Variants in CIRBP observed in about 807,000 individuals in gnomAD.
The protein encoded by CIRBP is cold-inducible RNA-binding protein.
A neutral mutation model predicts 22.3 loss-of-function variants in CIRBP; 11 were observed. That is an observed-to-expected ratio of 0.49 (90% CI 0.31 to 0.82). The LOEUF (loss-of-function observed/expected upper bound fraction) is 0.82, where lower values mean the gene tolerates loss of function less well. Among genes scored for constraint, CIRBP ranks in the 40% least tolerant of loss-of-function variants. CIRBP has a pLI of 0.05. For missense variants in CIRBP, 456 were observed against 402.7 expected (o/e 1.13, Z -1.13); for synonymous variants, 216 against 158.8 (o/e 1.36, Z -2.71).
chr19:1,271,868 CTTG>C (rs904158127), intron 5 of CIRBP, 110 bp from the exon 6 acceptor site: 43 of 943,984 alleles, frequency 4.6e-5, no homozygotes, highest in Admixed American at 2.6e-4. Context: ...TGCTGGGGTC[CTTG>C]TTGTGTCCCC....
chr19:1,269,955 G>GCGCCCAAAGTTTGC (rs1568822425), intron 1 of CIRBP: 1 of 519,896 alleles, frequency 1.9e-6, no homozygotes, highest in East Asian at 5.4e-5. Context: ...CCCAAAGTTT[G>GCGCCCAAAGTTTGC]GTCCAAGTTG....
rs114106544 is a variant in CIRBP, at chr19:1,270,182, G to A, written c.-6-746G>A. 593 of 488,624 alleles carry A rather than the reference G, an allele frequency of 1.2e-3. 4 individuals are homozygous for A. Among genetic ancestry groups the A allele is most frequent in the African/African-American group, 0.011 (558 of 51,230 alleles). The allele number at this position is 488,624 out of a possible 1,614,324, so 30.3% of individuals were successfully genotyped here. A position where few individuals can be genotyped will look rare whatever the true frequency, so the allele number is the denominator to read the frequency against. On this transcript the variant is annotated intron_variant, in intron 1 of 5. Coordinates refer to ENST00000587896, the MANE Select transcript of CIRBP (RefSeq NM_001300829.2). ...GCCTAGGTCCTGGCTATGGAAGTCA[G>A]TACCTGCCCTGAGGTGCCCCCCAGG... is the stretch of plus-strand genomic sequence containing the variant.
In CIRBP at chr19:1,272,298, G is replaced by A; in HGVS notation, c.749G>A (p.Arg250Lys). The change falls in exon 6 of 6, where the codon AGG (arginine) becomes AAG (lysine). Residue 250 changes from arginine to lysine, a missense_variant. Arg to Lys is a conservative substitution (Grantham distance 26). This residue lies in a region of CIRBP where 426 missense variants were observed against 339.6 expected (regional missense o/e 1.25). Transcript: ENST00000587896. ...TCAGCTAGGTGCATGTGTGGCCGCAGGCCAGCCTCCCTCGGCTGTGGGGGG... is the reference window on the plus strand; with the variant it reads ...TCAGCTAGGTGCATGTGTGGCCGCAAGCCAGCCTCCCTCGGCTGTGGGGGG... ...GQSARCMCGR[R>K]PASLGCGGWL... is the part of the protein sequence containing the mutation. 6.2e-7 allele frequency: 1 copy of A among 1,613,480 alleles called. No individual in the cohort carries two copies. Among genetic ancestry groups the A allele is most frequent in the Non-Finnish European group, 8.5e-7 (1 of 1,179,850 alleles).
At position 1,274,362 on chromosome 19, in the gene CIRBP, T is replaced by A; in HGVS notation, c.*1919T>A. On this transcript the variant is annotated 3_prime_UTR_variant, in exon 6 of 6. Coordinates refer to ENST00000587896, the MANE Select transcript of CIRBP (RefSeq NM_001300829.2). The stretch of plus-strand genomic sequence containing the variant: ...GGGTGGCCTGAGAGCAGCGATGACC[T>A]CTGGGGTCACTGTCCCAGGAGGGAC... The A allele has an allele frequency of 5.0e-6, 2 of 401,146 alleles. No homozygotes were observed. Among genetic ancestry groups the A allele is most frequent in the Non-Finnish European group, 8.8e-6 (2 of 226,306 alleles). The allele number at this position is 401,146 out of a possible 1,614,324, so 24.8% of individuals were successfully genotyped here.
At chr19:1,269,810 A>G (rs751959838) in intron 1 of CIRBP, 11 of 516,300 alleles carry the variant, frequency 2.1e-5, no homozygotes, top group Admixed American at 3.9e-5. Flanking sequence ...TCCACACACC[A>G]ACGCTTTTGC....
chr19:1,269,833 A>AG (rs2081305365), intron 1 of CIRBP: 1 of 518,884 alleles, frequency 1.9e-6, no homozygotes, highest in Non-Finnish European at 3.9e-6. Context: ...ACCGAGCCTT[A>AG]GTTTCCTCCT....
At position 1,272,391 on chromosome 19, in the gene CIRBP, C is replaced by T. The variant is rs371884723; in HGVS notation, c.842C>T (p.Ser281Leu). ...ASGVKLPLVA[S>L]VPLHCACFLS... ...GGGGTGAAGCTGCCTCTTGTTGCTT[C>T]GGTGCCTTTACACTGTGCCTGCTTC... Residue 281 changes from serine to leucine, a missense_variant, in exon 6 of 6, where the codon TCG becomes TTG. Around this residue, in one of 2 missense-constraint regions of CIRBP, gnomAD observed 426 missense variants for 339.6 expected, o/e 1.25. Coordinates refer to ENST00000587896, the MANE Select transcript of CIRBP (RefSeq NM_001300829.2). 122 of 1,599,064 alleles carry T rather than the reference C, an allele frequency of 7.6e-5. No homozygotes were observed. Among genetic ancestry groups the T allele is most frequent in the African/African-American group, 3.2e-4 (24 of 73,946 alleles).
chr19:1,270,070 C>T (rs1195519440), intron 1 of CIRBP: 2 of 519,896 alleles, frequency 3.8e-6, no homozygotes, highest in Non-Finnish European at 7.7e-6. Context: ...TGACCGCCCC[C>T]TTAAATAGCC....
intron 5 of CIRBP, 83 bp from the exon 6 acceptor site, chr19:1,271,898 A>C (rs1600025347): frequency 8.0e-7 from 1 of 1,257,160 alleles, no homozygotes; most frequent in South Asian, 1.3e-5. Flanking sequence ...GACGGCTGGC[A>C]TGGGGGCTGG....
Position 1,274,030 on chromosome 19 carries a change from T to G in CIRBP, c.*1587T>G. On this transcript the variant is annotated 3_prime_UTR_variant, in exon 6 of 6. Coordinates refer to ENST00000587896, the MANE Select transcript of CIRBP (RefSeq NM_001300829.2). ...TTTTCCAGACCTCTTTAAGTCACAC[T>G]CTTAACTTAGCTTTCTCTGATGTCT... 1 of 320,448 alleles carries G rather than the reference T, an allele frequency of 3.1e-6. No individual in the cohort carries two copies. The highest frequency in any genetic ancestry group is 5.7e-6 in the Non-Finnish European group (1 of 176,672). 19.9% of individuals were successfully genotyped at this position (320,448 alleles called of 1,614,324 possible).
chr19:1,271,235 A>G lies in CIRBP; in HGVS notation c.199A>G (p.Met67Val). Residue 67 changes from methionine (M) to valine (V), a missense_variant, in exon 3 of 6, where the codon ATG (methionine) becomes GTG (valine). Around this residue, in one of 2 missense-constraint regions of CIRBP, gnomAD observed 426 missense variants for 339.6 expected, o/e 1.25. Transcript: ENST00000587896. ...IDDAKDAMMA[M>V]NGKSVDGRQI... The stretch of plus-strand genomic sequence containing the variant: ...CGACGCTAAGGATGCCATGATGGCC[A>G]TGAATGGGAAGGTGAGGATCAGGGT... The G allele has an allele frequency of 2.5e-6, 4 of 1,614,072 alleles. No homozygotes were observed. The highest frequency in any genetic ancestry group is 3.4e-6 in the Non-Finnish European group (4 of 1,180,016).
chr19:1,270,931 G>C lies in CIRBP; in HGVS notation c.-3G>C. 1 of 1,611,686 alleles carries C rather than the reference G, an allele frequency of 6.2e-7. No homozygotes were observed. The highest frequency in any genetic ancestry group is 8.5e-7 in the Non-Finnish European group (1 of 1,177,856). On this transcript the variant is annotated 5_prime_UTR_variant, in exon 2 of 6. Transcript: ENST00000587896. Reference sequence around the variant, plus strand: ...ATTTCATTGGTGTCTGCCACAGGCCGCCATGGCATCAGATGAAGGCAAACT... The same window carrying C: ...ATTTCATTGGTGTCTGCCACAGGCCCCCATGGCATCAGATGAAGGCAAACT...
At position 1,270,811 on chromosome 19, in the gene CIRBP, A is replaced by G. The variant is rs1040076873; in HGVS notation, c.-6-117A>G. ...TATGAGTTTGAGATAATGAAAAATAAAAATCTGATTTTCTAATATTTCCCC... is the reference window on the plus strand; with the variant it reads ...TATGAGTTTGAGATAATGAAAAATAGAAATCTGATTTTCTAATATTTCCCC... On this transcript the variant is annotated intron_variant, in intron 1 of 5. Transcript: ENST00000587896. The G allele has an allele frequency of 2.4e-5, 19 of 792,964 alleles. No homozygotes were observed. The African/African-American group carries it at 3.3e-4, about 14-fold the overall frequency. The allele number at this position is 792,964 out of a possible 1,614,324, so 49.1% of individuals were successfully genotyped here.
In CIRBP at chr19:1,272,569, C is replaced by T. The variant is rs2081361250; in HGVS notation, c.*126C>T. On this transcript the variant is annotated 3_prime_UTR_variant, in exon 6 of 6. Transcript: ENST00000587896. The stretch of plus-strand genomic sequence containing the variant: ...TCCCACTTTCGTAGTCATTTCGGTT[C>T]TGATCTTGTCAAACCCAGCCTGACC... 2 of 895,546 alleles carry T rather than the reference C, an allele frequency of 2.2e-6. No homozygotes were observed. The highest frequency in any genetic ancestry group is 3.5e-6 in the Non-Finnish European group (2 of 578,954). 55.5% of individuals were successfully genotyped at this position (895,546 alleles called of 1,614,324 possible).
intron 1 of CIRBP, chr19:1,270,146 C>T (rs1461823479): frequency 1.9e-6 from 1 of 513,878 alleles, no homozygotes; most frequent in Admixed American, 1.9e-5. Context: ...GCCATCCCTT[C>T]CCGATTCCCG....
chr19:1,270,617 A>C (rs559194359), intron 1 of CIRBP, among the ~76,000 whole-genome samples: 2 of 151,946 alleles, frequency 1.3e-5, no homozygotes, highest in East Asian at 3.9e-4. Context: ...AAACAAATTT[A>C]AAAAAATTAT....
Position 1,271,383 on chromosome 19 carries a change from CGATCCCGTG to C in CIRBP, c.267_275del (p.Ser90_Gly92del), listed in dbSNP as rs1004475030. On this transcript the variant is annotated inframe_deletion, in exon 4 of 6. Coordinates refer to ENST00000587896, the MANE Select transcript of CIRBP (RefSeq NM_001300829.2). ...CCAGGCAGGCAAGTCGTCAGACAAC[CGATCCCGTG>C]GGTACCGTGGTGGCTCTGCCGGGGG... 2 of 1,613,816 alleles carry C rather than the reference CGATCCCGTG, an allele frequency of 1.2e-6. No homozygotes were observed. The highest frequency in any genetic ancestry group is 1.7e-6 in the Non-Finnish European group (2 of 1,180,026).
rs1336333410 is a variant in CIRBP at position 1,271,231 on chromosome 19, G to A, written c.195G>A (p.Met65Ile). ...TTGACGACGCTAAGGATGCCATGATGGCCATGAATGGGAAGGTGAGGATCA... is the reference window on the plus strand; with the variant it reads ...TTGACGACGCTAAGGATGCCATGATAGCCATGAATGGGAAGGTGAGGATCA... The part of the protein sequence containing the change: ...ENIDDAKDAM[M>I]AMNGKSVDGR... Residue 65 changes from methionine to isoleucine, a missense_variant, in exon 3 of 6, where the codon ATG (methionine) becomes ATA (isoleucine). Around this residue, in one of 2 missense-constraint regions of CIRBP, gnomAD observed 426 missense variants for 339.6 expected, o/e 1.25. Transcript: ENST00000587896. 4 of 1,614,026 alleles carry A rather than the reference G, an allele frequency of 2.5e-6. No individual in the cohort carries two copies. The highest frequency in any genetic ancestry group is 3.4e-6 in the Non-Finnish European group (4 of 1,180,002).
At chr19:1,271,076 C>T in intron 2 of CIRBP, 40 bp downstream of exon 2, 2 of 1,609,376 alleles carry the variant, frequency 1.2e-6, no homozygotes, top group Middle Eastern at 1.7e-4. Flanking sequence ...GGCGGGGGGG[C>T]TTGTGCTCCT....
Sources: allele counts gnomAD v4.1 joint callset (sites outside exome capture counted in the v4.1 genomes callset), GRCh38; gene constraint gnomAD v4.1.1; regional missense constraint gnomAD v4.1.1; transcripts MANE v1.5; gene names NCBI Gene and HGNC (gene_info 2026-07-23, HGNC 2026-07-21).